The following SYNE2 variants were observed in gnomAD, a reference collection of about 807,000 sequenced individuals.
The protein encoded by SYNE2 is nesprin-2.
SYNE2 carries 431 observed loss-of-function variants against 856.3 expected under a neutral mutation model. The ratio of observed to expected loss-of-function variants is 0.50; its 90% CI spans 0.47 to 0.55. The LOEUF (loss-of-function observed/expected upper bound fraction) is 0.55. Ranked by LOEUF, SYNE2 falls within the 20% of genes least tolerant of loss-of-function variation. The pLI is 0.00. For synonymous variants in SYNE2, 2,923 were observed against 2,872.3 expected, an observed-to-expected ratio of 1.02 and a Z score of -0.56; for missense variants, 8,129 against 8,023.2, an observed-to-expected ratio of 1.01 and a Z score of -0.50.
intron 1 of SYNE2, among the ~76,000 whole-genome samples, chr14:63,872,626 G>A (rs1408653595): frequency 1.3e-5 from 2 of 151,796 alleles, no homozygotes; most frequent in Non-Finnish European, 2.9e-5. Context: ...CGTGGTGGTG[G>A]TGACGGGTGC....
At chr14:63,846,145 C>T (rs577725717) in intron 1 of SYNE2, among the ~76,000 whole-genome samples, 29 of 151,440 alleles carry the variant, frequency 1.9e-4, no homozygotes, top group African/African-American at 6.3e-4. Flanking sequence ...AACTCCTGGG[C>T]CCAAGCAATC....
At chr14:63,876,095 T>C (rs1038607796) in intron 1 of SYNE2, among the ~76,000 whole-genome samples, 2 of 152,126 alleles carry the variant, frequency 1.3e-5, no homozygotes, top group African/African-American at 4.8e-5. Flanking sequence ...GTTTGGTGAC[T>C]ATGGATTGAG....
intron 45 of SYNE2, 74 bp downstream of exon 45, chr14:64,031,431 C>A: frequency 1.5e-6 from 2 of 1,319,854 alleles, no homozygotes; most frequent in South Asian, 1.2e-5. Flanking sequence ...AAAAGAGGGT[C>A]GTGAATCAAG....
At chr14:64,121,860 A>T in intron 68 of SYNE2, 152 bp from the exon 69 acceptor site, 1 of 1,025,460 alleles carries the variant, frequency 9.8e-7, no homozygotes, top group Admixed American at 2.2e-5. Context: ...TTGGGAAGTG[A>T]GAGTTTACAA....
chr14:64,051,768 T>C lies in SYNE2; in HGVS notation c.7855T>C (p.Ser2619Pro). Residue 2619 changes from serine (S) to proline (P), a missense_variant, in exon 48 of 116, where the codon TCT becomes CCT. Ser to Pro is a moderately conservative substitution (Grantham distance 74). Coordinates refer to ENST00000555002, the MANE Select transcript of SYNE2 (RefSeq NM_182914.3). Reference sequence around the variant, plus strand: ...GGAACAGCAGATTCAAAAGAAGTATTCTCAGCAGGTAGTGGAATATGATGA... The same window carrying C: ...GGAACAGCAGATTCAAAAGAAGTATCCTCAGCAGGTAGTGGAATATGATGA... ...QVEQQIQKKY[S>P]QQVVEYDEFT... 1 of 1,614,190 alleles carries C rather than the reference T, an allele frequency of 6.2e-7. No homozygotes were observed. The highest frequency in any genetic ancestry group is 1.1e-5 in the South Asian group (1 of 91,082).
chr14:64,003,922 A>G (rs1391111193), intron 30 of SYNE2, among the ~76,000 whole-genome samples: 11 of 152,202 alleles, frequency 7.2e-5, no homozygotes, highest in South Asian at 2.1e-4. Context: ...TAATTCCAGC[A>G]TTTGGAATAG....
At position 63,983,256 on chromosome 14, in the gene SYNE2, T is replaced by G. The variant is rs191238729; in HGVS notation, c.2001+462T>G. ...ACACATTTGAGTTCTTTTAACTTTT[T>G]GGGTTTTTATGAACAATGCAGCTGT... is the stretch of plus-strand genomic sequence containing the variant. On this transcript the variant is annotated intron_variant, in intron 17 of 115. Transcript: ENST00000555002. 1.8e-4 allele frequency among the ~76,000 whole-genome samples: 27 copies of G among 152,386 alleles called. No homozygotes were observed. In the East Asian group the frequency reaches 5.2e-3, roughly 29 times the overall value.
intron 1 of SYNE2, among the ~76,000 whole-genome samples, chr14:63,898,148 C>G (rs531142802): frequency 6.6e-6 from 1 of 152,292 alleles, no homozygotes; most frequent in South Asian, 2.1e-4. Flanking sequence ...AGTCTGTACA[C>G]TCTCTCATTT....
At chr14:64,214,010 C>A in intron 105 of SYNE2, 184 bp from the exon 106 acceptor site, 1 of 841,006 alleles carries the variant, frequency 1.2e-6, no homozygotes. Context: ...TTAGGCCCCA[C>A]TCCAGATTGT....
In SYNE2 at chr14:64,097,952, G is replaced by A; in HGVS notation, c.12112G>A (p.Glu4038Lys). 1 of 1,614,230 alleles carries A rather than the reference G, an allele frequency of 6.2e-7. No homozygotes were observed. Among genetic ancestry groups the A allele is most frequent in the Non-Finnish European group, 8.5e-7 (1 of 1,180,048 alleles). The change falls in exon 62 of 116, where the codon GAA becomes AAA. Residue 4038 changes from glutamate (E) to lysine (K), a missense_variant. Coordinates refer to ENST00000555002, the MANE Select transcript of SYNE2 (RefSeq NM_182914.3). ...TGCAAACACTCTTTCTACACAGGGA[G>A]AAATCGAACGTATGGAGAAACAGAT... ...QADKLPQLQG[E>K]IERMEKQILS...
At chr14:64,046,252 G>C (rs1261876164) in intron 45 of SYNE2, among the ~76,000 whole-genome samples, 1 of 152,194 alleles carries the variant, frequency 6.6e-6, no homozygotes, top group Non-Finnish European at 1.5e-5. Context: ...AGTTCTTAAA[G>C]CTTTCAGAAA....
chr14:64,059,493 TTGTTGTTTTCCCTCAC>T (rs2097299461), intron 49 of SYNE2, among the ~76,000 whole-genome samples: 1 of 150,690 alleles, frequency 6.6e-6, no homozygotes, highest in South Asian at 2.1e-4. Context: ...GCAGAGACTC[TTGTTGTTTTCCCTCAC>T]TTTCTCCCAA....
chr14:63,917,400 A>G (rs1310697828), intron 2 of SYNE2, among the ~76,000 whole-genome samples: 2 of 152,228 alleles, frequency 1.3e-5, no homozygotes, highest in African/African-American at 2.4e-5. Context: ...CTGTGATAGT[A>G]ACTGATATTG....
At position 64,014,071 on chromosome 14, in the gene SYNE2, T is replaced by C. The variant is rs551600768; in HGVS notation, c.4729-2402T>C. On this transcript the variant is annotated intron_variant, in intron 32 of 115. Coordinates refer to ENST00000555002, the MANE Select transcript of SYNE2 (RefSeq NM_182914.3). ...AGTCTCTATTTCTATAATTTTATTA[T>C]TTTAAAAATGTTAAAAAATATTTTA... Among the ~76,000 whole-genome samples, 4 of 152,174 alleles carry C rather than the reference T, an allele frequency of 2.6e-5. No individual in the cohort carries two copies. In the South Asian group the frequency reaches 8.3e-4, roughly 32 times the overall value.
chr14:64,181,946 A>T (rs2098460074), intron 96 of SYNE2, among the ~76,000 whole-genome samples: 1 of 152,142 alleles, frequency 6.6e-6, no homozygotes, highest in Non-Finnish European at 1.5e-5. Context: ...GTATAAGTAA[A>T]ATTTTTCTCT....
At chr14:64,037,508 T>G (rs2097101250) in intron 45 of SYNE2, among the ~76,000 whole-genome samples, 2 of 152,198 alleles carry the variant, frequency 1.3e-5, no homozygotes, top group Admixed American at 1.3e-4. Context: ...CAGAACAAAC[T>G]GAAAAGTCTC....
upstream of SYNE2, among the ~76,000 whole-genome samples, chr14:63,852,039 T>G: frequency 8.3e-6 from 1 of 120,362 alleles, no homozygotes; most frequent in Non-Finnish European, 1.7e-5. Context: ...CTGGAGGATA[T>G]CTTGAGACCA....
At chr14:63,762,326 T>C (rs890761686) in intron 1 of SYNE2, among the ~76,000 whole-genome samples, 3 of 151,804 alleles carry the variant, frequency 2.0e-5, no homozygotes, top group East Asian at 3.9e-4. Flanking sequence ...TCCCAGTTAC[T>C]TGGGAGGCTG....
At chr14:63,858,805 A>G (rs1892652065) in intron 1 of SYNE2, among the ~76,000 whole-genome samples, 1 of 152,156 alleles carries the variant, frequency 6.6e-6, no homozygotes, top group South Asian at 2.1e-4. Context: ...TCTTAACAAT[A>G]TCTTTTGAAG....
Sources: allele counts gnomAD v4.1 joint callset (sites outside exome capture counted in the v4.1 genomes callset), GRCh38; gene constraint gnomAD v4.1.1; transcripts MANE v1.5; gene names NCBI Gene and HGNC (gene_info 2026-07-23, HGNC 2026-07-21).